The following HACE1 variants were observed in gnomAD, a reference collection of about 807,000 sequenced individuals.
HACE1 encodes E3 ubiquitin-protein ligase HACE1.
In HACE1, 73 loss-of-function variants were observed where a neutral mutation model predicts 118.4. That is an observed-to-expected ratio of 0.62 (90% CI 0.51 to 0.75). HACE1 has a LOEUF of 0.75. Among genes scored for constraint, HACE1 ranks in the 30% least tolerant of loss-of-function variants. The pLI is 0.00. For synonymous variants in HACE1, 368 were observed against 374.8 expected (o/e 0.98, Z 0.21); for missense variants, 749 against 1,102.2 (o/e 0.68, Z 4.54).
chr6:104,738,553 G>C (rs923062178), intron 22 of HACE1, among the ~76,000 whole-genome samples: 6 of 149,494 alleles, frequency 4.0e-5, no homozygotes, highest in Admixed American at 2.0e-4. Context: ...TGATCAACAG[G>C]AAGAAAGGGT....
intron 7 of HACE1, among the ~76,000 whole-genome samples, chr6:104,805,787 T>C (rs1770926776): frequency 2.6e-5 from 4 of 151,952 alleles, no homozygotes; most frequent in Admixed American, 6.6e-5. Flanking sequence ...CAAACCAACA[T>C]GGCACATGTA....
intron 4 of HACE1, among the ~76,000 whole-genome samples, chr6:104,843,997 C>T (rs1775368295): frequency 6.6e-6 from 1 of 151,384 alleles, no homozygotes; most frequent in South Asian, 2.1e-4. Context: ...GCTGGGACTA[C>T]AGGCGTGTGC....
intron 17 of HACE1, among the ~76,000 whole-genome samples, chr6:104,776,379 A>C (rs181038867): frequency 6.6e-6 from 1 of 152,360 alleles, no homozygotes; most frequent in Admixed American, 6.5e-5. Context: ...TTATGAAATA[A>C]AACATTTAAT....
chr6:104,797,756 T>C (rs1029583786), intron 7 of HACE1, among the ~76,000 whole-genome samples: 11 of 152,020 alleles, frequency 7.2e-5, no homozygotes, highest in Admixed American at 5.9e-4. Flanking sequence ...GGGAAATTAA[T>C]GTTAACAGCT....
Position 104,859,636 on chromosome 6 carries a change from T to G in HACE1, c.7A>C (p.Arg3=), listed in dbSNP as rs1037409710. 4.8e-5 allele frequency: 73 copies of G among 1,532,532 alleles called. No homozygotes were observed. Among genetic ancestry groups the G allele is most frequent in the Non-Finnish European group, 5.5e-5 (63 of 1,142,970 alleles). 94.9% of individuals were successfully genotyped at this position (1,532,532 alleles called of 1,614,324 possible). ME[R]AMEQLNRLTR... ...AGGCGGTTGAGTTGCTCCATCGCTC[T>G]CTCCATCCTCGGCGCGCCCTCCGCG... Residue 3 remains arginine (R), a synonymous_variant, in exon 1 of 24, where the codon AGA becomes CGA. Coordinates refer to ENST00000262903, the MANE Select transcript of HACE1 (RefSeq NM_020771.4).
intron 19 of HACE1, among the ~76,000 whole-genome samples, chr6:104,769,014 T>C (rs940007057): frequency 1.3e-5 from 2 of 152,060 alleles, no homozygotes; most frequent in African/African-American, 4.8e-5. Flanking sequence ...CAAGCATAAA[T>C]ATAGATATAC....
At chr6:104,780,331 G>A (rs1163779539) in intron 14 of HACE1, 3 of 449,208 alleles carry the variant, frequency 6.7e-6, no homozygotes, top group Non-Finnish European at 1.3e-5. Context: ...GTACATTTTT[G>A]TATGTAAACT....
At chr6:104,784,951 AG>A in intron 12 of HACE1, 33 bp downstream of exon 12, 1 of 1,317,424 alleles carries the variant, frequency 7.6e-7, no homozygotes, top group Non-Finnish European at 1.1e-6. Context: ...CATCTATCAG[AG>A]AAAAAAAAAA....
At chr6:104,768,359 G>C (rs6937200) in intron 19 of HACE1, among the ~76,000 whole-genome samples, 29,393 of 151,788 alleles carry the variant, frequency 0.19, 2,912 homozygotes, top group East Asian at 0.26. Flanking sequence ...GTTCATAACA[G>C]AATGTATAAG....
intron 22 of HACE1, among the ~76,000 whole-genome samples, chr6:104,732,742 G>C (rs1464636894): frequency 6.6e-6 from 1 of 152,082 alleles, no homozygotes; most frequent in Non-Finnish European, 1.5e-5. Flanking sequence ...TATGCACCAG[G>C]ATTGTCTATT....
chr6:104,732,086 T>G (rs548104486), intron 22 of HACE1: 6 of 152,264 alleles, frequency 3.9e-5, no homozygotes, highest in African/African-American at 1.4e-4. Flanking sequence ...TTGGCAAGGA[T>G]GTGGAGAAAT....
intron 5 of HACE1, among the ~76,000 whole-genome samples, chr6:104,835,454 T>G (rs531878021): frequency 2.6e-4 from 39 of 152,096 alleles, no homozygotes; most frequent in African/African-American, 8.9e-4. Flanking sequence ...GAAAAAAAAC[T>G]CTTGGAAATT....
chr6:104,802,352 C>A (rs1770471277), intron 7 of HACE1, among the ~76,000 whole-genome samples: 3 of 152,192 alleles, frequency 2.0e-5, no homozygotes, highest in African/African-American at 7.2e-5. Context: ...GAACTCAGCT[C>A]TGGACCAAGT....
At chr6:104,736,806 G>A (rs912257023) in intron 22 of HACE1, among the ~76,000 whole-genome samples, 1 of 152,128 alleles carries the variant, frequency 6.6e-6, no homozygotes, top group Middle Eastern at 3.4e-3. Context: ...TTTATAGTGT[G>A]AGTCCAACTA....
At chr6:104,738,188 C>A (rs1256130265) in intron 22 of HACE1, among the ~76,000 whole-genome samples, 18 of 152,120 alleles carry the variant, frequency 1.2e-4, no homozygotes, top group Admixed American at 1.0e-3. Flanking sequence ...CATCAAAGAC[C>A]ATAAGTAGAT....
intron 6 of HACE1, among the ~76,000 whole-genome samples, chr6:104,821,467 A>G (rs1226954049): frequency 1.3e-5 from 2 of 152,214 alleles, no homozygotes; most frequent in Non-Finnish European, 2.9e-5. Context: ...AAACTGTAAT[A>G]AAGAAATTTT....
intron 4 of HACE1, among the ~76,000 whole-genome samples, chr6:104,847,649 G>T (rs1775789051): frequency 6.6e-6 from 1 of 152,008 alleles, no homozygotes. Context: ...GCCTCGGATT[G>T]ATGTAATGGA....
intron 19 of HACE1, among the ~76,000 whole-genome samples, chr6:104,761,071 A>G (rs576894139): frequency 6.6e-6 from 1 of 152,330 alleles, no homozygotes; most frequent in South Asian, 2.1e-4. Flanking sequence ...ATGGAAAAAC[A>G]TTCCATGCTT....
At chr6:104,787,829 C>T (rs1040432743) in intron 11 of HACE1, among the ~76,000 whole-genome samples, 3 of 151,796 alleles carry the variant, frequency 2.0e-5, no homozygotes, top group Admixed American at 6.6e-5. Context: ...ACAAAGATGT[C>T]GAAAAGCCAG....
Sources: gnomAD v4.1 joint callset for allele counts (sites outside exome capture counted in the v4.1 genomes callset) on GRCh38, gnomAD v4.1.1 for gene constraint, MANE v1.5 for transcripts, NCBI Gene and HGNC (gene_info 2026-07-23, HGNC 2026-07-21) for gene names.